Variants in SGSH observed in about 807,000 individuals in gnomAD.
The protein encoded by SGSH is N-sulfoglucosamine sulfohydrolase.
In SGSH, 48 loss-of-function variants were observed where a neutral mutation model predicts 51.0. The observed-to-expected ratio is 0.94, with a 90% CI of 0.75 to 1.20. The LOEUF (loss-of-function observed/expected upper bound fraction) is 1.20. SGSH is among the 50% of genes most tolerant of loss of function. The pLI is 0.00. For missense variants in SGSH, 662 were observed against 717.8 expected (o/e 0.92, Z 0.89); for synonymous variants, 321 against 313.4 (o/e 1.02, Z -0.26).
downstream of SGSH, chr17:80,202,571 A>C: frequency 6.9e-7 from 1 of 1,440,874 alleles, no homozygotes; most frequent in South Asian, 1.4e-5. Flanking sequence ...ATCACTGCTG[A>C]AGATGTTGTT....
intron 1 of SGSH, among the ~76,000 whole-genome samples, chr17:80,219,548 C>T (rs2042050488): frequency 6.6e-6 from 1 of 152,216 alleles, no homozygotes; most frequent in African/African-American, 2.4e-5. Flanking sequence ...GTGAGCCGAA[C>T]CCCCGCCCAG....
At chr17:80,202,680 A>G, downstream of SGSH, 5 of 1,210,808 alleles carry the variant, frequency 4.1e-6, no homozygotes, top group South Asian at 8.6e-5. Flanking sequence ...CTTTGGTACC[A>G]TGGACGTTTG....
chr17:80,210,128 G>A lies in SGSH; in HGVS notation c.*324C>T. The A allele has an allele frequency of 8.1e-7, 1 of 1,235,532 alleles. No individual in the cohort carries two copies. The highest frequency in any genetic ancestry group is 1.0e-6 in the Non-Finnish European group (1 of 980,498). The allele number at this position is 1,235,532 out of a possible 1,614,324, so 76.5% of individuals were successfully genotyped here. On this transcript the variant is annotated 3_prime_UTR_variant, in exon 8 of 8. Coordinates refer to ENST00000326317, the MANE Select transcript of SGSH (RefSeq NM_000199.5). ...AGAAAACAAGACTCCCTTGTCATGG[G>A]CTGGGGGCGCTGCCCTGTCCGCAGA...
downstream of SGSH, chr17:80,201,743 G>C: frequency 6.2e-7 from 1 of 1,614,006 alleles, no homozygotes; most frequent in East Asian, 2.2e-5. The surrounding 1 kb of genome is among the most constrained non-coding windows in gnomAD (Gnocchi z 5.0). Flanking sequence ...CTTGCCCTCA[G>C]GTTGATTACG....
chr17:80,217,623 G>A (rs2041941082), intron 1 of SGSH, among the ~76,000 whole-genome samples: 1 of 146,234 alleles, frequency 6.8e-6, no homozygotes, highest in Non-Finnish European at 1.5e-5. Context: ...TATGGAGGCT[G>A]GACTGATTGA....
chr17:80,203,997 T>G (rs1598705653), downstream of SGSH: 1 of 916,942 alleles, frequency 1.1e-6, no homozygotes, highest in Non-Finnish European at 1.7e-6. This position sits in a 1 kb window ranked among gnomAD's most constrained non-coding sequence, Gnocchi z 4.6. Flanking sequence ...GATTGGAGGG[T>G]AACCCCACCT....
the SGSH span, chr17:80,201,543 CTA>C: frequency 3.3e-6 from 2 of 602,228 alleles, no homozygotes; most frequent in South Asian, 3.9e-5. This position sits in a 1 kb window ranked among gnomAD's most constrained non-coding sequence, Gnocchi z 5.0. Context: ...CTGGCCAGCA[CTA>C]TGTGTAGCAC....
Position 80,212,161 on chromosome 17 carries a change from A to G in SGSH, c.859T>C (p.Trp287Arg). The change falls in exon 7 of 8, where the codon TGG (tryptophan) becomes CGG (arginine). Residue 287 changes from tryptophan (W) to arginine (R), a missense_variant. Coordinates refer to ENST00000326317, the MANE Select transcript of SGSH (RefSeq NM_000199.5). The surrounding 1 kb of genome is among the most constrained non-coding windows in gnomAD (Gnocchi z 5.9). ...PFPSGRTNLY[W>R]PGTAEPLLVS... ...AGTAAGGGTTCAGCAGTGCCCGGCC[A>G]GTACAGGTTGGTCCTGCCGCTGGGG... 1 of 1,613,550 alleles carries G rather than the reference A, an allele frequency of 6.2e-7. No individual in the cohort carries two copies.
chr17:80,212,393 C>G lies in SGSH; in HGVS notation c.746-119G>C. 3.5e-6 allele frequency: 3 copies of G among 855,940 alleles called. No homozygotes were observed. 53.0% of individuals were successfully genotyped at this position (855,940 alleles called of 1,614,324 possible). A position where few individuals can be genotyped will look rare whatever the true frequency, so the allele number is the denominator to read the frequency against. On this transcript the variant is annotated intron_variant, in intron 6 of 7. Coordinates refer to ENST00000326317, the MANE Select transcript of SGSH (RefSeq NM_000199.5). The surrounding 1 kb of genome is among the most constrained non-coding windows in gnomAD (Gnocchi z 5.9). ...GCTGGGCTCCAGCGCTTTCCGGATT[C>G]GAAAGCACCCTGTAGTTCTTCCCAA...
Position 80,209,423 on chromosome 17 carries a change from CCTT to C in SGSH, c.*1026_*1028del. The C allele has an allele frequency of 1.0e-6, 1 of 985,570 alleles. No individual in the cohort carries two copies. 61.1% of individuals were successfully genotyped at this position (985,570 alleles called of 1,614,324 possible). A position where few individuals can be genotyped will look rare whatever the true frequency, so the allele number is the denominator to read the frequency against. ...CCACCTACTCAAGGAAGCGCCCTCT[CCTT>C]CGAGGGGTGTCCAGGCCGAGGGGTG... On this transcript the variant is annotated 3_prime_UTR_variant, in exon 8 of 8. Transcript: ENST00000326317.
chr17:80,213,567 C>T lies in SGSH; in HGVS notation c.745+237G>A, dbSNP rs938494199. 36 of 587,532 alleles carry T rather than the reference C, an allele frequency of 6.1e-5. No homozygotes were observed. In the East Asian group the frequency reaches 1.0e-3, roughly 16 times the overall value. 36.4% of individuals were successfully genotyped at this position (587,532 alleles called of 1,614,324 possible). A position where few individuals can be genotyped will look rare whatever the true frequency, so the allele number is the denominator to read the frequency against. On this transcript the variant is annotated intron_variant, in intron 6 of 7. Coordinates refer to ENST00000326317, the MANE Select transcript of SGSH (RefSeq NM_000199.5). The surrounding 1 kb of genome is among the most constrained non-coding windows in gnomAD (Gnocchi z 4.6). Reference sequence around the variant, plus strand: ...GAAATATCTGAAGTCTTCACGCAACCTCTGGGGCACCCGAAGGCCCCAGCC... The same window carrying T: ...GAAATATCTGAAGTCTTCACGCAACTTCTGGGGCACCCGAAGGCCCCAGCC...
At chr17:80,211,143 A>C in intron 7 of SGSH, 132 bp from the exon 8 acceptor site, 1 of 1,524,598 alleles carries the variant, frequency 6.6e-7, no homozygotes, top group Non-Finnish European at 8.8e-7. Flanking sequence ...TGCCTTGTCG[A>C]GCCGACACCT....
intron 2 of SGSH, 96 bp downstream of exon 2, chr17:80,216,936 G>A (rs763656487): frequency 1.9e-5 from 24 of 1,241,314 alleles, no homozygotes; most frequent in South Asian, 2.8e-5. Flanking sequence ...AACACCCCCC[G>A]GGATCCCAGG....
intron 7 of SGSH, chr17:80,211,565 C>T (rs1339297041): frequency 7.2e-6 from 2 of 277,208 alleles, no homozygotes; most frequent in East Asian, 9.7e-5. Context: ...GACTAGATGT[C>T]CTAGGTCTTT....
chr17:80,210,251 T>A lies in SGSH; in HGVS notation c.*201A>T, dbSNP rs139066649. 1.9e-3 allele frequency: 2,687 copies of A among 1,427,172 alleles called. 30 individuals carry two copies. In the African/African-American group the frequency reaches 0.029, roughly 15 times the overall value. 88.4% of individuals were successfully genotyped at this position (1,427,172 alleles called of 1,614,324 possible). A position where few individuals can be genotyped will look rare whatever the true frequency, so the allele number is the denominator to read the frequency against. The stretch of plus-strand genomic sequence containing the variant: ...GCAGTGCCCCTGGTGGTGGAGGGGC[T>A]GGGCACATGCTCTGGTCACATGCTC... On this transcript the variant is annotated 3_prime_UTR_variant, in exon 8 of 8. Coordinates refer to ENST00000326317, the MANE Select transcript of SGSH (RefSeq NM_000199.5).
rs1471246190 is a variant in SGSH at position 80,214,558 on chromosome 17, C to A, written c.506+57G>T. 1.1e-5 allele frequency: 17 copies of A among 1,565,856 alleles called. No homozygotes were observed. The East Asian group carries it at 4.0e-4, about 37-fold the overall frequency. On this transcript the variant is annotated intron_variant, in intron 4 of 7. Transcript: ENST00000326317. ...GCCCATGCATCCCGCCGGAAGACTC[C>A]GGGCTGTGCTCTGGTACCGGCCGCC...
chr17:80,203,574 G>T, downstream of SGSH: 1 of 458,542 alleles, frequency 2.2e-6, no homozygotes, highest in Non-Finnish European at 3.9e-6. This position sits in a 1 kb window ranked among gnomAD's most constrained non-coding sequence, Gnocchi z 4.6. Context: ...CCTGGGTCCC[G>T]CCCCAGGACA....
At position 80,215,124 on chromosome 17, in the gene SGSH, C is replaced by T. The variant is rs1178488696; in HGVS notation, c.264G>A (p.Met88Ile). The change falls in exon 3 of 8, where the codon ATG (methionine) becomes ATA (isoleucine). Residue 88 changes from methionine (M) to isoleucine (I), a missense_variant. Physicochemically the swap from Met to Ile is conservative, Grantham distance 10. Coordinates refer to ENST00000326317, the MANE Select transcript of SGSH (RefSeq NM_000199.5). ...LTGLPQHQNG[M>I]YGLHQDVHHF... The stretch of plus-strand genomic sequence containing the variant: ...GGTGCACGTCCTGGTGCAGCCCGTA[C>T]ATCCCATTCTGATGCTGCCAGCAAA... The T allele has an allele frequency of 6.8e-6, 11 of 1,611,330 alleles. No individual in the cohort carries two copies. The African/African-American group carries it at 1.3e-4, about 20-fold the overall frequency.
downstream of SGSH, chr17:80,202,571 A>G: frequency 6.9e-7 from 1 of 1,440,874 alleles, no homozygotes; most frequent in Non-Finnish European, 9.1e-7. Context: ...ATCACTGCTG[A>G]AGATGTTGTT....
Sources: allele counts gnomAD v4.1 joint callset (sites outside exome capture counted in the v4.1 genomes callset), GRCh38; gene constraint gnomAD v4.1.1; non-coding constraint Gnocchi (gnomAD v3.1); transcripts MANE v1.5; gene names NCBI Gene and HGNC (gene_info 2026-07-23, HGNC 2026-07-21).